CCNY: variants seen among roughly 807,000 people sequenced by gnomAD.
CCNY encodes the protein cyclin Y, also known as cyclin-Y.
A neutral mutation model predicts 42.8 loss-of-function variants in CCNY; 19 were observed. The ratio of observed to expected loss-of-function variants is 0.44; its 90% CI spans 0.31 to 0.65. The LOEUF is 0.65. CCNY is among the 30% of genes least tolerant of loss of function. The pLI is 0.07. For missense variants in CCNY, 370 were observed against 437.3 expected, an observed-to-expected ratio of 0.85 and a Z score of 1.37; for synonymous variants, 165 against 162.7, an observed-to-expected ratio of 1.01 and a Z score of -0.11.
intron 1 of CCNY, among the ~76,000 whole-genome samples, chr10:35,342,756 T>C (rs1836210683): frequency 6.6e-6 from 1 of 152,184 alleles, no homozygotes; most frequent in Non-Finnish European, 1.5e-5. Context: ...AATTGAGCCT[T>C]AAAGGTTAAG....
rs139904204 is a variant in CCNY, at chr10:35,276,235, G to A, written c.-9+25609G>A. Among the ~76,000 whole-genome samples, 1,201 of 152,230 alleles carry A rather than the reference G, an allele frequency of 7.9e-3. 10 individuals carry two copies. Among genetic ancestry groups the A allele is most frequent in the African/African-American group, 0.027 (1,125 of 41,532 alleles). On this transcript the variant is annotated intron_variant, in intron 3 of 11. Coordinates refer to the CCNY transcript ENST00000374706. ...AAGCCCTATTCTTTGCTCTCTGTGC[G>A]AGGAACTCCTCCTCGCTGCCATTTT...
chr10:35,416,975 A>T lies in CCNY; in HGVS notation c.155-66429A>T, dbSNP rs1327799433. Reference sequence around the variant, plus strand: ...AGCCTTCATAACCCATCAAACAGTGAAAGTGTATTTCTTGCTTAAACAAAA... The same window carrying T: ...AGCCTTCATAACCCATCAAACAGTGTAAGTGTATTTCTTGCTTAAACAAAA... On this transcript the variant is annotated intron_variant, in intron 1 of 9. Coordinates refer to ENST00000374704, the MANE Select transcript of CCNY (RefSeq NM_145012.6). 2.6e-5 allele frequency among the ~76,000 whole-genome samples: 4 copies of T among 152,200 alleles called. No individual in the cohort carries two copies. The East Asian group carries it at 5.8e-4, about 22-fold the overall frequency.
intron 1 of CCNY, among the ~76,000 whole-genome samples, chr10:35,370,786 G>T (rs1264901734): frequency 1.3e-5 from 2 of 151,528 alleles, no homozygotes; most frequent in Non-Finnish European, 2.9e-5. Flanking sequence ...GGCCATCTTG[G>T]CTCACTACAA....
chr10:35,301,930 G>A (rs1176549947), intron 3 of CCNY, among the ~76,000 whole-genome samples: 1 of 148,396 alleles, frequency 6.7e-6, no homozygotes, highest in Non-Finnish European at 1.5e-5. Context: ...ACCCCGCCCA[G>A]CCTTCATTGT....
chr10:35,287,540 A>G (rs1835367803), intron 3 of CCNY, among the ~76,000 whole-genome samples: 1 of 152,152 alleles, frequency 6.6e-6, no homozygotes, highest in African/African-American at 2.4e-5. Flanking sequence ...TTCTTTCCGT[A>G]TTAATTTTGC....
At chr10:35,521,499 G>A (rs938743434) in intron 4 of CCNY, among the ~76,000 whole-genome samples, 1 of 152,212 alleles carries the variant, frequency 6.6e-6, no homozygotes, top group Non-Finnish European at 1.5e-5. Flanking sequence ...GGAGGCCTTA[G>A]GCACTTGTCT....
chr10:35,377,074 TG>T (rs1837068610), intron 1 of CCNY, among the ~76,000 whole-genome samples: 1 of 152,210 alleles, frequency 6.6e-6, no homozygotes. Context: ...GCATATGCAA[TG>T]GTGGTCCCAT....
At chr10:35,468,297 G>C (rs1245083938) in intron 1 of CCNY, among the ~76,000 whole-genome samples, 2 of 152,172 alleles carry the variant, frequency 1.3e-5, no homozygotes, top group Non-Finnish European at 2.9e-5. Context: ...CCTCCCAGAG[G>C]TGCCACCTCC....
intron 3 of CCNY, among the ~76,000 whole-genome samples, chr10:35,297,028 T>C (rs1385974729): frequency 6.6e-6 from 1 of 152,028 alleles, no homozygotes; most frequent in Non-Finnish European, 1.5e-5. Flanking sequence ...ATATCCTTGA[T>C]GAACATGGAT....
intron 1 of CCNY, among the ~76,000 whole-genome samples, chr10:35,436,098 G>GGCA (rs1838526568): frequency 6.6e-6 from 1 of 152,096 alleles, no homozygotes; most frequent in African/African-American, 2.4e-5. Context: ...GCAGGGGTGG[G>GGCA]GCAGCAGCAG....
intron 3 of CCNY, among the ~76,000 whole-genome samples, chr10:35,504,689 G>A (rs1589164819): frequency 6.6e-6 from 1 of 152,014 alleles, no homozygotes; most frequent in Non-Finnish European, 1.5e-5. Context: ...CAGGCTGGAG[G>A]GCATTGGTAC....
At chr10:35,487,384 C>G (rs564878382) in intron 2 of CCNY, among the ~76,000 whole-genome samples, 1 of 152,272 alleles carries the variant, frequency 6.6e-6, no homozygotes, top group Admixed American at 6.5e-5. Context: ...GTTAGGGCAG[C>G]TGCTGCTTGG....
At chr10:35,557,625 G>A (rs755988174) in intron 8 of CCNY, among the ~76,000 whole-genome samples, 2 of 152,032 alleles carry the variant, frequency 1.3e-5, no homozygotes, top group African/African-American at 2.4e-5. Context: ...TACTGGTGGC[G>A]CTCACCTGTA....
intron 1 of CCNY, among the ~76,000 whole-genome samples, chr10:35,398,082 A>G (rs1446282363): frequency 6.6e-6 from 1 of 152,134 alleles, no homozygotes; most frequent in Non-Finnish European, 1.5e-5. Context: ...GGAGGGTAGT[A>G]GCTGGGCTTC....
chr10:35,262,693 T>C (rs975354914), intron 3 of CCNY, among the ~76,000 whole-genome samples: 7 of 152,050 alleles, frequency 4.6e-5, no homozygotes, highest in Admixed American at 4.6e-4. Context: ...AATTATATCA[T>C]TGATTGATAT....
chr10:35,463,390 G>A (rs182743861), intron 1 of CCNY, among the ~76,000 whole-genome samples: 12 of 152,308 alleles, frequency 7.9e-5, no homozygotes, highest in African/African-American at 2.4e-4. Context: ...AACAATGGAC[G>A]TAGAATATGC....
At chr10:35,520,924 G>C (rs1160070431) in intron 4 of CCNY, among the ~76,000 whole-genome samples, 2 of 152,126 alleles carry the variant, frequency 1.3e-5, no homozygotes, top group African/African-American at 4.8e-5. Context: ...GTGGTGGGGA[G>C]CCCCTTTGCG....
chr10:35,256,156 C>G (rs920607956), intron 3 of CCNY, among the ~76,000 whole-genome samples: 3 of 152,066 alleles, frequency 2.0e-5, no homozygotes, highest in South Asian at 4.1e-4. Context: ...CTGCTAATCT[C>G]TGATTTTTGA....
chr10:35,290,320 G>A (rs1390818615), intron 3 of CCNY, among the ~76,000 whole-genome samples: 13 of 151,612 alleles, frequency 8.6e-5, no homozygotes, highest in Admixed American at 3.3e-4. Flanking sequence ...GGGAGGTTGA[G>A]GCATGGACTC....
Sources: allele counts gnomAD v4.1 joint callset (sites outside exome capture counted in the v4.1 genomes callset), GRCh38; gene constraint gnomAD v4.1.1; transcripts MANE v1.5; gene names NCBI Gene and HGNC (gene_info 2026-07-23, HGNC 2026-07-21).